DPP10: variants seen among roughly 807,000 people sequenced by gnomAD.
DPP10 encodes the protein inactive dipeptidyl peptidase 10.
Under a neutral mutation model 120.9 loss-of-function variants are expected in DPP10, and 33 were observed. The ratio of observed to expected loss-of-function variants is 0.27; its 90% CI spans 0.21 to 0.37. DPP10 has a LOEUF of 0.37. Ranked by LOEUF, DPP10 falls within the 10% of genes least tolerant of loss-of-function variation. The pLI is 1.00. For missense variants in DPP10, 816 were observed against 942.8 expected (o/e 0.87, Z 1.76); for synonymous variants, 337 against 326.1 (o/e 1.03, Z -0.36).
intron 1 of DPP10, among the ~76,000 whole-genome samples, chr2:114,702,754 C>T (rs1700459533): frequency 1.3e-5 from 2 of 152,080 alleles, no homozygotes; most frequent in African/African-American, 4.8e-5. Context: ...TTCTTGGATC[C>T]ATCCTGGATT....
chr2:115,816,013 CTG>C lies in DPP10; in HGVS notation c.1950+286_1950+287del, dbSNP rs554407313. 2.0e-3 allele frequency among the ~76,000 whole-genome samples: 307 copies of C among 151,808 alleles called. 1 individual carries two copies. Among genetic ancestry groups the C allele is most frequent in the African/African-American group, 7.1e-3 (292 of 41,414 alleles). ...CATGCTTCATTATATTATAATTCCT[CTG>C]TATTATCCTTTAAAAAATAACATAA... On this transcript the variant is annotated intron_variant, in intron 21 of 25. Transcript: ENST00000410059.
At chr2:115,389,052 T>C (rs974385343) in intron 3 of DPP10, among the ~76,000 whole-genome samples, 2 of 152,152 alleles carry the variant, frequency 1.3e-5, no homozygotes, top group African/African-American at 2.4e-5. Context: ...CTTTACCAAA[T>C]CATATGACTG....
intron 1 of DPP10, among the ~76,000 whole-genome samples, chr2:114,577,319 G>A (rs1304952498): frequency 1.3e-5 from 2 of 152,170 alleles, no homozygotes; most frequent in Admixed American, 6.5e-5. Context: ...AACCAACCTC[G>A]CTTTTGTTTG....
chr2:115,062,873 T>C (rs1706531126), intron 1 of DPP10, among the ~76,000 whole-genome samples: 1 of 152,186 alleles, frequency 6.6e-6, no homozygotes, highest in South Asian at 2.1e-4. Context: ...ATCTTTATAA[T>C]AGAACAATTT....
chr2:114,621,361 T>G (rs1335883861), intron 1 of DPP10, among the ~76,000 whole-genome samples: 1 of 152,030 alleles, frequency 6.6e-6, no homozygotes, highest in Non-Finnish European at 1.5e-5. Context: ...TTTCTTGCAC[T>G]GTGCTAATAT....
intron 1 of DPP10, among the ~76,000 whole-genome samples, chr2:114,847,404 G>A (rs1466624485): frequency 2.0e-5 from 3 of 152,036 alleles, no homozygotes; most frequent in Admixed American, 2.0e-4. Flanking sequence ...CTTCTTCCTT[G>A]TGCCCTAATT....
intron 1 of DPP10, among the ~76,000 whole-genome samples, chr2:115,114,838 G>C (rs2049415277): frequency 6.6e-6 from 1 of 152,016 alleles, no homozygotes; most frequent in Non-Finnish European, 1.5e-5. Flanking sequence ...TCTACTTCGA[G>C]ATTGAGAAGT....
intron 4 of DPP10, among the ~76,000 whole-genome samples, chr2:115,503,984 A>G (rs561070328): frequency 3.3e-5 from 5 of 152,218 alleles, no homozygotes; most frequent in East Asian, 3.9e-4. Context: ...TTAGAAGGTA[A>G]TTTTCTGAGG....
rs965521088 is a variant in DPP10 at position 114,923,463 on chromosome 2, C to T, written c.61-385776C>T. Among the ~76,000 whole-genome samples the T allele has an allele frequency of 3.0e-5, 4 of 135,254 alleles. No individual in the cohort carries two copies. The East Asian group carries it at 8.8e-4, about 30-fold the overall frequency. The allele number at this position is 135,254 out of a possible 152,430, so 88.7% of individuals were successfully genotyped here. A position where few individuals can be genotyped will look rare whatever the true frequency, so the allele number is the denominator to read the frequency against. On this transcript the variant is annotated intron_variant, in intron 1 of 25. Coordinates refer to ENST00000410059, the MANE Select transcript of DPP10 (RefSeq NM_020868.6). ...TACAGGCGTGAGCCACCACGCTTGG[C>T]CTTTTTTCCTTTTTTTTTTTTTTTT...
rs551189527 is a variant in DPP10, at chr2:114,541,419, C to T, written c.60+98581C>T. 2.6e-4 allele frequency among the ~76,000 whole-genome samples: 40 copies of T among 152,248 alleles called. No individual in the cohort carries two copies. The South Asian group carries it at 6.4e-3, about 24-fold the overall frequency. ...TAGGAAGACCCTACTATACCATTGT[C>T]AGGAATTCCGGAATTCCATACTCCC... On this transcript the variant is annotated intron_variant, in intron 1 of 25. Transcript: ENST00000410059.
chr2:114,480,533 A>T (rs187824711), intron 1 of DPP10, among the ~76,000 whole-genome samples: 3,602 of 152,246 alleles, frequency 0.024, 133 homozygotes, highest in African/African-American at 0.08. Flanking sequence ...GCCATAAAAA[A>T]AGGATGAGTT....
intron 1 of DPP10, among the ~76,000 whole-genome samples, chr2:114,863,069 C>T (rs755205968): frequency 1.4e-4 from 22 of 152,178 alleles, no homozygotes; most frequent in African/African-American, 4.1e-4. Context: ...TGCATGCACA[C>T]GCACACATGT....
chr2:114,769,642 A>T (rs1009756501), intron 1 of DPP10, among the ~76,000 whole-genome samples: 70 of 152,210 alleles, frequency 4.6e-4, no homozygotes, highest in Non-Finnish European at 9.7e-4. Context: ...CAGTAGGTCA[A>T]ATGTGCTCTC....
intron 1 of DPP10, among the ~76,000 whole-genome samples, chr2:114,848,364 T>C (rs1471262320): frequency 1.3e-5 from 2 of 152,094 alleles, no homozygotes; most frequent in African/African-American, 2.4e-5. Flanking sequence ...CAAAAGCAAC[T>C]TAAAACTACT....
chr2:115,131,764 C>T (rs1348423174), intron 1 of DPP10: 1 of 151,966 alleles, frequency 6.6e-6, no homozygotes, highest in Non-Finnish European at 1.5e-5. Context: ...TCAAGAGATC[C>T]TGAGGCCTAC....
intron 1 of DPP10, among the ~76,000 whole-genome samples, chr2:115,127,872 A>T (rs776801540): frequency 8.3e-4 from 126 of 152,152 alleles, no homozygotes; most frequent in Non-Finnish European, 2.8e-4. Context: ...GTGGCAAAGG[A>T]TATACTCCCT....
intron 1 of DPP10, among the ~76,000 whole-genome samples, chr2:114,997,445 C>T (rs6706548): frequency 0.55 from 82,396 of 150,028 alleles, 22,861 homozygotes; most frequent in East Asian, 0.64. Context: ...TAAGCCGAGA[C>T]TGTGCCACTG....
At chr2:115,162,182 G>T (rs2052441230) in intron 1 of DPP10, 2 of 1,548,582 alleles carry the variant, frequency 1.3e-6, no homozygotes, top group Admixed American at 2.0e-5. Context: ...CTTCTCCACG[G>T]ACTCTGCGGG....
chr2:114,813,716 AT>A (rs35714406), intron 1 of DPP10, among the ~76,000 whole-genome samples: 9,187 of 127,798 alleles, frequency 0.072, 872 homozygotes, highest in African/African-American at 0.24. Flanking sequence ...ATGGAATTAA[AT>A]TTTTTTTTTT....
Sources: allele counts gnomAD v4.1 joint callset (sites outside exome capture counted in the v4.1 genomes callset), GRCh38; gene constraint gnomAD v4.1.1; transcripts MANE v1.5; gene names NCBI Gene and HGNC (gene_info 2026-07-23, HGNC 2026-07-21).